Variants in DNAH8 observed in about 807,000 individuals in gnomAD.
DNAH8 encodes the protein dynein axonemal heavy chain 8, also known as axonemal beta dynein heavy chain 8.
In DNAH8, 382 loss-of-function variants were observed where a neutral mutation model predicts 562.1. The ratio of observed to expected loss-of-function variants is 0.68; its 90% CI spans 0.63 to 0.74. DNAH8 has a LOEUF of 0.74. Among genes scored for constraint, DNAH8 ranks in the 30% least tolerant of loss-of-function variants. The probability of loss-of-function intolerance (pLI) is 0.00; values close to 1 mark genes in which losing one functional copy is unlikely to be tolerated. For synonymous variants in DNAH8, 1,881 were observed against 1,919.4 expected (o/e 0.98, Z 0.52); for missense variants, 5,203 against 5,620.4 (o/e 0.93, Z 2.37).
At chr6:38,940,755 G>A (rs934615866) in intron 79 of DNAH8, among the ~76,000 whole-genome samples, 2 of 152,178 alleles carry the variant, frequency 1.3e-5, no homozygotes, top group Non-Finnish European at 1.5e-5. Flanking sequence ...TTGAAAGGCG[G>A]GGAAACAGTT....
intron 62 of DNAH8, among the ~76,000 whole-genome samples, chr6:38,904,026 A>G (rs1215343523): frequency 2.6e-5 from 4 of 152,154 alleles, no homozygotes; most frequent in African/African-American, 7.2e-5. Context: ...ATACATTTCT[A>G]TCTCCTTCAC....
chr6:38,848,821 T>C lies in DNAH8; in HGVS notation c.5199+20T>C, dbSNP rs576615415. Reference sequence around the variant, plus strand: ...CCTCAGGTAAATATGGCTTTTGTAATTACTGATAAAATAATTTGGTGTATG... The same window carrying C: ...CCTCAGGTAAATATGGCTTTTGTAACTACTGATAAAATAATTTGGTGTATG... On this transcript the variant is annotated intron_variant, in intron 37 of 92. Coordinates refer to ENST00000327475, the MANE Select transcript of DNAH8 (RefSeq NM_001206927.2). The C allele has an allele frequency of 1.1e-5, 17 of 1,609,688 alleles. No individual in the cohort carries two copies. The South Asian group carries it at 1.2e-4, about 11-fold the overall frequency.
chr6:38,853,402 G>A (rs1775921621), intron 41 of DNAH8, 55 bp downstream of exon 41: 24 of 1,583,338 alleles, frequency 1.5e-5, no homozygotes, highest in Non-Finnish European at 1.7e-5. Flanking sequence ...TAAAGGGGAA[G>A]GATGCTTAGC....
At chr6:38,805,359 A>G in intron 22 of DNAH8, 122 bp from the exon 23 acceptor site, 1 of 645,674 alleles carries the variant, frequency 1.5e-6, no homozygotes, top group Non-Finnish European at 2.8e-6. Flanking sequence ...GCATTTTTCA[A>G]AAAACAGTTT....
chr6:38,808,448 A>C (rs535009693), intron 24 of DNAH8, among the ~76,000 whole-genome samples: 1 of 152,226 alleles, frequency 6.6e-6, no homozygotes, highest in South Asian at 2.1e-4. Context: ...GATTAAATAT[A>C]CTTTCTTGTG....
rs1267323208 is a variant in DNAH8 at position 39,012,215 on chromosome 6, G to A, written c.13372G>A (p.Val4458Met). The change falls in exon 90 of 93, where the codon GTG (valine) becomes ATG (methionine). Residue 4458 changes from valine to methionine, a missense_variant and splice_region_variant. By Grantham distance (21) the Val-to-Met change is conservative (BLOSUM62 1). This residue lies in a region of DNAH8 where 1,399 missense variants were observed against 1,518.4 expected (regional missense o/e 0.92). Transcript: ENST00000327475. ...KLPPDYIPHEVKSRLIKMGHL... is the reference protein window; with the variant it reads ...KLPPDYIPHEMKSRLIKMGHL... Reference sequence around the variant, plus strand: ...TATTGCATTGTTTACTTTGTTTTAGGTGAAATCTCGTTTGATAAAGATGGG... The same window carrying A: ...TATTGCATTGTTTACTTTGTTTTAGATGAAATCTCGTTTGATAAAGATGGG... 1 of 1,598,254 alleles carries A rather than the reference G, an allele frequency of 6.3e-7. No individual in the cohort carries two copies. Among genetic ancestry groups the A allele is most frequent in the Non-Finnish European group, 8.5e-7 (1 of 1,169,646 alleles).
chr6:38,953,609 G>A (rs996011219), intron 82 of DNAH8, among the ~76,000 whole-genome samples: 1 of 152,098 alleles, frequency 6.6e-6, no homozygotes, highest in Non-Finnish European at 1.5e-5. Flanking sequence ...AGGATCAAAT[G>A]AATTTTATAA....
At chr6:38,766,135 T>TTGTGTGTGTGTGTGTG (rs774448668) in intron 11 of DNAH8, among the ~76,000 whole-genome samples, 120 of 129,006 alleles carry the variant, frequency 9.3e-4, no homozygotes, top group Admixed American at 1.4e-3. Context: ...ATGTATGTGT[T>TTGTGTGTGTGTGTGTG]TGTATGTGTG....
rs758529174 is a variant in DNAH8, at chr6:38,828,231, A to G, written c.4131A>G (p.Glu1377=). 1 of 1,597,528 alleles carries G rather than the reference A, an allele frequency of 6.3e-7. No individual in the cohort carries two copies. The highest frequency in any genetic ancestry group is 1.2e-5 in the South Asian group (1 of 86,108). The change falls in exon 30 of 93, where the codon GAA becomes GAG. Residue 1377 remains glutamate, a synonymous_variant. Coordinates refer to ENST00000327475, the MANE Select transcript of DNAH8 (RefSeq NM_001206927.2). The part of the protein sequence containing the change: ...LNRFEVEVTK[E]ESEAVDTLRY... ...GATTTGAAGTTGAAGTAACCAAAGA[A>G]GAATCAGAAGCAGTTGATACCTTAA...
Position 38,894,781 on chromosome 6 carries a change from G to A in DNAH8, c.8664G>A (p.Leu2888=), listed in dbSNP as rs763633800. Residue 2888 remains leucine, a synonymous_variant, in exon 59 of 93, where the codon TTG becomes TTA. Coordinates refer to ENST00000327475, the MANE Select transcript of DNAH8 (RefSeq NM_001206927.2). Reference sequence around the variant, plus strand: ...TTTCCAGAATTTGGCAAGGAATGTTGACCATAAAAGCTGAGGAGTGCGCTT... The same window carrying A: ...TTTCCAGAATTTGGCAAGGAATGTTAACCATAAAAGCTGAGGAGTGCGCTT... ...RDLSRIWQGM[L]TIKAEECASI... is the part of the protein sequence containing the mutation. The A allele has an allele frequency of 6.2e-7, 1 of 1,614,010 alleles. No homozygotes were observed. The highest frequency in any genetic ancestry group is 1.1e-5 in the South Asian group (1 of 91,074).
chr6:38,911,505 C>G lies in DNAH8; in HGVS notation c.9778C>G (p.Leu3260Val). The stretch of plus-strand genomic sequence containing the variant: ...AGCACATGTGACTCCCAAATCTTAC[C>G]TCTCATTTATAAATGGTTATAAAAA... The part of the protein sequence containing the change: ...RRAHVTPKSY[L>V]SFINGYKNIY... Residue 3260 changes from leucine (L) to valine (V), a missense_variant, in exon 66 of 93, where the codon CTC becomes GTC. Transcript: ENST00000327475. 6.2e-7 allele frequency: 1 copy of G among 1,613,830 alleles called. No homozygotes were observed. Among genetic ancestry groups the G allele is most frequent in the Non-Finnish European group, 8.5e-7 (1 of 1,179,800 alleles).
At position 38,783,049 on chromosome 6, in the gene DNAH8, C is replaced by T. The variant is rs533818443; in HGVS notation, c.2305C>T (p.Arg769Cys). 1.5e-5 allele frequency: 24 copies of T among 1,613,780 alleles called. No individual in the cohort carries two copies. In the East Asian group the frequency reaches 1.8e-4, roughly 12 times the overall value. Reference sequence around the variant, plus strand: ...AAGTCCGGACGGTAAAGCTGTCATCCGTCAGTATAACAAGATCTCCTATGT... The same window carrying T: ...AAGTCCGGACGGTAAAGCTGTCATCTGTCAGTATAACAAGATCTCCTATGT... Reference protein sequence around the residue: ...LSSPDGKAVIRQYNKISYVLV... With the variant: ...LSSPDGKAVICQYNKISYVLV... The change falls in exon 17 of 93, where the codon CGT (arginine) becomes TGT (cysteine). Residue 769 changes from arginine to cysteine, a missense_variant. Arg to Cys is a radical substitution (Grantham distance 180). Coordinates refer to ENST00000327475, the MANE Select transcript of DNAH8 (RefSeq NM_001206927.2).
At position 38,860,470 on chromosome 6, in the gene DNAH8, T is replaced by G. The variant is rs1776529395; in HGVS notation, c.5972T>G (p.Ile1991Ser). Reference protein sequence around the residue: ...DIFDDLVKMHIKSPTDFEWLK... With the variant: ...DIFDDLVKMHSKSPTDFEWLK... ...TATGTTTTTAAGGTAAAAATGCATA[T>G]CAAATCACCTACTGACTTTGAATGG... Residue 1991 changes from isoleucine to serine, a missense_variant, in exon 43 of 93, where the codon ATC becomes AGC. This residue lies in a region of DNAH8 where 2,176 missense variants were observed against 2,365.1 expected (regional missense o/e 0.92). Transcript: ENST00000327475. 1 of 1,416,926 alleles carries G rather than the reference T, an allele frequency of 7.1e-7. No homozygotes were observed. The highest frequency in any genetic ancestry group is 9.3e-7 in the Non-Finnish European group (1 of 1,078,742). 87.8% of individuals were successfully genotyped at this position (1,416,926 alleles called of 1,614,324 possible). A position where few individuals can be genotyped will look rare whatever the true frequency, so the allele number is the denominator to read the frequency against.
chr6:38,886,205 A>T lies in DNAH8; in HGVS notation c.8260-586A>T, dbSNP rs145577915. Reference sequence around the variant, plus strand: ...CCTGGAGAACAGTTACATGTGAGGGATGAGTGGACAATGAGTGGCTTAGGA... The same window carrying T: ...CCTGGAGAACAGTTACATGTGAGGGTTGAGTGGACAATGAGTGGCTTAGGA... On this transcript the variant is annotated intron_variant, in intron 56 of 92. Coordinates refer to ENST00000327475, the MANE Select transcript of DNAH8 (RefSeq NM_001206927.2). Among the ~76,000 whole-genome samples, 349 of 152,236 alleles carry T rather than the reference A, an allele frequency of 2.3e-3. 1 individual carries two copies. Among genetic ancestry groups the T allele is most frequent in the African/African-American group, 7.8e-3 (325 of 41,554 alleles).
chr6:38,786,486 T>A (rs542827211), intron 17 of DNAH8, among the ~76,000 whole-genome samples: 1 of 152,234 alleles, frequency 6.6e-6, no homozygotes, highest in Non-Finnish European at 1.5e-5. Flanking sequence ...TTCAACCCAC[T>A]CAGAAAAATA....
intron 80 of DNAH8, among the ~76,000 whole-genome samples, chr6:38,948,371 C>T (rs1461869120): frequency 6.6e-6 from 1 of 151,800 alleles, no homozygotes; most frequent in Non-Finnish European, 1.5e-5. Flanking sequence ...GAGTTTCGCT[C>T]TTGTTGCCCA....
intron 91 of DNAH8, among the ~76,000 whole-genome samples, chr6:39,024,908 T>G (rs1767169149): frequency 6.6e-6 from 1 of 152,236 alleles, no homozygotes; most frequent in African/African-American, 2.4e-5. Flanking sequence ...GGTTGATTGG[T>G]CAACTCTTCT....
At chr6:38,776,068 C>G (rs564346964) in intron 13 of DNAH8, 117 bp downstream of exon 13, 10 of 704,304 alleles carry the variant, frequency 1.4e-5, no homozygotes, top group East Asian at 1.0e-4. Flanking sequence ...GATTTAAGTT[C>G]CTCTTTCACA....
intron 3 of DNAH8, among the ~76,000 whole-genome samples, chr6:38,726,077 T>G (rs1277412621): frequency 6.6e-6 from 1 of 152,176 alleles, no homozygotes; most frequent in Non-Finnish European, 1.5e-5. Flanking sequence ...AAAAAGTCAT[T>G]TCTTAGTAGG....
Sources: gnomAD v4.1 joint callset for allele counts (sites outside exome capture counted in the v4.1 genomes callset) on GRCh38, gnomAD v4.1.1 for gene constraint, gnomAD v4.1.1 regional missense constraint, MANE v1.5 for transcripts, NCBI Gene and HGNC (gene_info 2026-07-23, HGNC 2026-07-21) for gene names.